Variants in NRG4 observed in about 807,000 individuals in gnomAD.
The protein encoded by NRG4 is neuregulin 4.
NRG4 carries 10 observed loss-of-function variants against 15.0 expected under a neutral mutation model. The observed-to-expected ratio is 0.67, with a 90% CI of 0.41 to 1.13. The LOEUF (loss-of-function observed/expected upper bound fraction) is 1.13. Ranked by LOEUF, NRG4 falls within the 50% of genes most tolerant of loss-of-function variation. NRG4 has a pLI of 0.00. For synonymous variants in NRG4, 41 were observed against 50.1 expected (o/e 0.82, Z 0.77); for missense variants, 139 against 140.2 (o/e 0.99, Z 0.04).
chr15:76,019,618 C>CT (rs952243019), intron 5 of NRG4, among the ~76,000 whole-genome samples: 7 of 152,204 alleles, frequency 4.6e-5, no homozygotes, highest in African/African-American at 1.4e-4. Flanking sequence ...ATCCCTTGCA[C>CT]TTCCCCGGTG....
chr15:75,986,017 A>C (rs1000937061), intron 3 of NRG4, among the ~76,000 whole-genome samples: 1 of 152,254 alleles, frequency 6.6e-6, no homozygotes, highest in Non-Finnish European at 1.5e-5. Context: ...ACACAAAAGG[A>C]AACACATATG....
chr15:75,989,811 T>C (rs1196071605), intron 3 of NRG4, among the ~76,000 whole-genome samples: 1 of 152,238 alleles, frequency 6.6e-6, no homozygotes, highest in Admixed American at 6.5e-5. Flanking sequence ...TATCTAGTAA[T>C]TTTGCATTGC....
At chr15:75,987,572 A>T (rs76767880) in intron 3 of NRG4, among the ~76,000 whole-genome samples, 5,599 of 152,212 alleles carry the variant, frequency 0.037, 323 homozygotes, top group African/African-American at 0.13. Context: ...TCTCTCTGCC[A>T]TGTAAGTATG....
chr15:75,958,570 C>T, intron 4 of NRG4, among the ~76,000 whole-genome samples: 1 of 152,160 alleles, frequency 6.6e-6, no homozygotes, highest in Non-Finnish European at 1.5e-5. Flanking sequence ...ACATTACCAG[C>T]CTAGATTATT....
At chr15:75,948,049 T>A (rs2031640012) in intron 5 of NRG4, among the ~76,000 whole-genome samples, 1 of 152,210 alleles carries the variant, frequency 6.6e-6, no homozygotes, top group Non-Finnish European at 1.5e-5. Context: ...TTATATATTC[T>A]GGGTATCAAA....
At chr15:75,959,012 G>T in intron 4 of NRG4, 2 of 196,412 alleles carry the variant, frequency 1.0e-5, no homozygotes, top group South Asian at 1.3e-4. Context: ...ACAGGGTCTT[G>T]CTCTCTCACC....
chr15:76,025,023 G>T (rs2035268868), intron 5 of NRG4, among the ~76,000 whole-genome samples: 1 of 152,052 alleles, frequency 6.6e-6, no homozygotes, highest in Non-Finnish European at 1.5e-5. Context: ...AGGCAAACAG[G>T]ACACCTTCAG....
At chr15:76,019,956 A>G (rs1479027296) in intron 5 of NRG4, among the ~76,000 whole-genome samples, 1 of 151,992 alleles carries the variant, frequency 6.6e-6, no homozygotes, top group Non-Finnish European at 1.5e-5. Flanking sequence ...TGTTGGTGCC[A>G]TTTTTCCAAC....
At chr15:75,984,123 A>C (rs1469322396) in intron 3 of NRG4, among the ~76,000 whole-genome samples, 5 of 152,220 alleles carry the variant, frequency 3.3e-5, no homozygotes, top group African/African-American at 1.2e-4. Context: ...TGGTGGATAC[A>C]TGTCATTACA....
intron 5 of NRG4, among the ~76,000 whole-genome samples, chr15:76,035,582 A>AT (rs1476543436): frequency 3.3e-5 from 5 of 152,016 alleles, no homozygotes; most frequent in Non-Finnish European, 7.4e-5. Context: ...GAAAAAAAAA[A>AT]GTCCCTCAGG....
chr15:76,004,216 T>C (rs1044950460), intron 3 of NRG4, among the ~76,000 whole-genome samples: 1 of 152,224 alleles, frequency 6.6e-6, no homozygotes, highest in African/African-American at 2.4e-5. Flanking sequence ...ATTAGTGTTA[T>C]AACTTTAAAA....
intron 3 of NRG4, among the ~76,000 whole-genome samples, chr15:75,962,192 T>C (rs1227152491): frequency 6.6e-6 from 1 of 152,212 alleles, no homozygotes; most frequent in East Asian, 1.9e-4. Flanking sequence ...ATCTTCTTTT[T>C]CCAGTTTTCC....
At chr15:76,013,689 T>C (rs1269420521), upstream of NRG4, among the ~76,000 whole-genome samples, 1 of 152,232 alleles carries the variant, frequency 6.6e-6, no homozygotes, top group African/African-American at 2.4e-5. Flanking sequence ...TTCTTATGGC[T>C]GCATAGTATT....
chr15:75,982,173 TC>T (rs2033631676), intron 3 of NRG4, among the ~76,000 whole-genome samples: 1 of 152,130 alleles, frequency 6.6e-6, no homozygotes, highest in East Asian at 1.9e-4. Context: ...ATATTGTCGA[TC>T]CCAAAACCTA....
At chr15:75,989,387 A>G (rs570775753) in intron 3 of NRG4, among the ~76,000 whole-genome samples, 1 of 152,238 alleles carries the variant, frequency 6.6e-6, no homozygotes, top group East Asian at 1.9e-4. Flanking sequence ...TAAAAGTCTT[A>G]GAATATGTAA....
chr15:75,939,011 AGACCT>A (rs1248035006), downstream of NRG4: 1 of 152,224 alleles, frequency 6.6e-6, no homozygotes. Flanking sequence ...AAAACAAAAA[AGACCT>A]CATGTCAACA....
At chr15:76,018,994 G>T (rs1243194246) in intron 5 of NRG4, among the ~76,000 whole-genome samples, 3 of 152,072 alleles carry the variant, frequency 2.0e-5, no homozygotes, top group African/African-American at 4.8e-5. Context: ...CCCCTGACTG[G>T]GGCTGCTGCC....
intron 3 of NRG4, among the ~76,000 whole-genome samples, chr15:75,997,111 G>GA (rs1031001311): frequency 4.0e-5 from 6 of 151,646 alleles, no homozygotes; most frequent in Admixed American, 3.3e-4. Flanking sequence ...TTTAATGAGA[G>GA]AAAAAAATAT....
At chr15:76,011,417 G>T in intron 1 of NRG4, 131 bp from the exon 2 acceptor site, 1 of 438,954 alleles carries the variant, frequency 2.3e-6, no homozygotes, top group Non-Finnish European at 3.7e-6. Flanking sequence ...TATATACTAG[G>T]GACAAATTTT....
Sources: allele counts gnomAD v4.1 joint callset (sites outside exome capture counted in the v4.1 genomes callset), GRCh38; gene constraint gnomAD v4.1.1; transcripts MANE v1.5; gene names NCBI Gene and HGNC (gene_info 2026-07-23, HGNC 2026-07-21).